The following IGF2BP2 variants were observed in gnomAD, a reference collection of about 807,000 sequenced individuals.
IGF2BP2 encodes insulin like growth factor 2 mRNA binding protein 2.
A neutral mutation model predicts 75.8 loss-of-function variants in IGF2BP2; 17 were observed. The observed-to-expected ratio is 0.22, with a 90% CI of 0.15 to 0.34. IGF2BP2 has a LOEUF of 0.34. Ranked by LOEUF, IGF2BP2 falls within the 10% of genes least tolerant of loss-of-function variation. The pLI, the probability that IGF2BP2 is intolerant of heterozygous loss-of-function variation, is 1.00. For synonymous variants in IGF2BP2, 288 were observed against 295.6 expected, an observed-to-expected ratio of 0.97 and a Z score of 0.26; for missense variants, 516 against 772.4, an observed-to-expected ratio of 0.67 and a Z score of 3.93.
At chr3:185,707,092 G>A (rs1252062942) in intron 2 of IGF2BP2, among the ~76,000 whole-genome samples, 1 of 151,590 alleles carries the variant, frequency 6.6e-6, no homozygotes, top group Non-Finnish European at 1.5e-5. Flanking sequence ...AGATGTGGTG[G>A]CACACGCCTG....
Position 185,645,618 on chromosome 3 carries a change from T to A in IGF2BP2, c.1713A>T (p.Ala571=). The change falls in exon 16 of 16, where the codon GCA becomes GCT. Residue 571 remains alanine (A), a synonymous_variant. Transcript: ENST00000382199. The surrounding 1 kb of genome is among the most constrained non-coding windows in gnomAD (Gnocchi z 4.9). ...GTACAATTTCCCTGATCTTGCGCTG[T>A]GCAGTCTGCAGCAAGGGAGAGAAGG... The part of the protein sequence containing the change: ...IIGHFFASQT[A]QRKIREIVQQ... 1 of 1,613,302 alleles carries A rather than the reference T, an allele frequency of 6.2e-7. No homozygotes were observed. The highest frequency in any genetic ancestry group is 1.1e-5 in the South Asian group (1 of 91,044).
intron 2 of IGF2BP2, chr3:185,716,419 C>T (rs760633088): frequency 6.0e-6 from 3 of 500,560 alleles, no homozygotes; most frequent in Non-Finnish European, 1.2e-5. Flanking sequence ...CTTTTCTTTC[C>T]CCTCCCTCTT....
At position 185,675,693 on chromosome 3, in the gene IGF2BP2, T is replaced by G. The variant is rs150468952; in HGVS notation, c.935+98A>C. ...GAGATAATTGCATCACTTATGATTA[T>G]ATTCCCATTTTAGGGAAAAGTAGAT... On this transcript the variant is annotated intron_variant, in intron 8 of 15. Transcript: ENST00000382199. The G allele has an allele frequency of 3.3e-3, 4,671 of 1,417,316 alleles. 12 individuals carry two copies. The highest frequency in any genetic ancestry group is 3.3e-3 in the Non-Finnish European group (3,378 of 1,037,508). The allele number at this position is 1,417,316 out of a possible 1,614,324, so 87.8% of individuals were successfully genotyped here.
chr3:185,662,020 AG>A (rs907203218), intron 10 of IGF2BP2, among the ~76,000 whole-genome samples: 14 of 152,268 alleles, frequency 9.2e-5, no homozygotes, highest in African/African-American at 3.4e-4. Context: ...GAGGGTTAGC[AG>A]GATGTGGCGG....
intron 2 of IGF2BP2, among the ~76,000 whole-genome samples, chr3:185,742,053 A>G (rs1729621815): frequency 6.6e-6 from 1 of 152,224 alleles, no homozygotes; most frequent in Admixed American, 6.5e-5. Flanking sequence ...TCCATTATTC[A>G]TTAGTAAGCT....
chr3:185,654,963 C>T (rs1356464088), intron 12 of IGF2BP2, among the ~76,000 whole-genome samples: 1 of 152,164 alleles, frequency 6.6e-6, no homozygotes, highest in Non-Finnish European at 1.5e-5. Flanking sequence ...TCTCTCCCTG[C>T]CCAGCAGCAT....
chr3:185,670,223 C>G (rs1718307262), intron 10 of IGF2BP2, among the ~76,000 whole-genome samples: 1 of 152,114 alleles, frequency 6.6e-6, no homozygotes, highest in South Asian at 2.1e-4. Context: ...TAGTAAAAAT[C>G]TGAGATATAA....
At chr3:185,712,413 T>C (rs1239219721) in intron 2 of IGF2BP2, 1 of 152,174 alleles carries the variant, frequency 6.6e-6, no homozygotes, top group Non-Finnish European at 1.5e-5. Context: ...TCTAACACCA[T>C]AATTCTCCCC....
At chr3:185,655,854 A>T (rs1245939047) in intron 12 of IGF2BP2, among the ~76,000 whole-genome samples, 1 of 152,224 alleles carries the variant, frequency 6.6e-6, no homozygotes, top group Non-Finnish European at 1.5e-5. Flanking sequence ...GCCTTGGACA[A>T]GCCAGTGAAA....
At chr3:185,681,126 C>A (rs997652250) in intron 7 of IGF2BP2, among the ~76,000 whole-genome samples, 2 of 151,936 alleles carry the variant, frequency 1.3e-5, no homozygotes, top group Admixed American at 6.6e-5. Context: ...AAAAGGCATT[C>A]GAATTGGAAA....
At chr3:185,809,779 G>A (rs1490140327) in intron 2 of IGF2BP2, among the ~76,000 whole-genome samples, 1 of 152,108 alleles carries the variant, frequency 6.6e-6, no homozygotes, top group Non-Finnish European at 1.5e-5. Context: ...GAAAAGGGAA[G>A]AAGAAATAAA....
chr3:185,690,577 G>C (rs1320273150), intron 5 of IGF2BP2, among the ~76,000 whole-genome samples: 1 of 152,104 alleles, frequency 6.6e-6, no homozygotes, highest in Admixed American at 6.6e-5. Context: ...TTAGATATCT[G>C]TTGTATCCAA....
At chr3:185,822,617 T>C (rs980972076) in intron 2 of IGF2BP2, among the ~76,000 whole-genome samples, 1 of 152,214 alleles carries the variant, frequency 6.6e-6, no homozygotes, top group African/African-American at 2.4e-5. Flanking sequence ...ACTGAAAAAG[T>C]CCGGCTTTTA....
rs1355147270 is a variant in IGF2BP2, at chr3:185,643,344, G to A, written c.*2187C>T. ...CCAGGCTTGCAGTTCCTTAAGGATA[G>A]ACTGGTCTTCTCTAGCTTGACATGC... On this transcript the variant is annotated 3_prime_UTR_variant, in exon 16 of 16. Coordinates refer to ENST00000382199, the MANE Select transcript of IGF2BP2 (RefSeq NM_006548.6). Among the ~76,000 whole-genome samples, 1 of 152,198 alleles carries A rather than the reference G, an allele frequency of 6.6e-6. No homozygotes were observed. The highest frequency in any genetic ancestry group is 1.5e-5 in the Non-Finnish European group (1 of 68,038).
At chr3:185,756,024 T>C (rs1019521569) in intron 2 of IGF2BP2, among the ~76,000 whole-genome samples, 67 of 152,146 alleles carry the variant, frequency 4.4e-4, no homozygotes, top group African/African-American at 1.4e-3. Flanking sequence ...CCCCTCCAAA[T>C]CTCATGTTGA....
intron 2 of IGF2BP2, among the ~76,000 whole-genome samples, chr3:185,814,753 T>TGTTA (rs1158972742): frequency 6.6e-6 from 1 of 152,170 alleles, no homozygotes; most frequent in Middle Eastern, 3.2e-3. Context: ...TTAAGTCCTA[T>TGTTA]GTTACTAAAC....
intron 2 of IGF2BP2, among the ~76,000 whole-genome samples, chr3:185,748,259 T>G (rs1165264007): frequency 6.6e-6 from 1 of 152,070 alleles, no homozygotes; most frequent in Non-Finnish European, 1.5e-5. Context: ...AGCAAAGAGG[T>G]AGAGGAAGGA....
chr3:185,815,240 A>T (rs980591931), intron 2 of IGF2BP2, among the ~76,000 whole-genome samples: 10 of 152,196 alleles, frequency 6.6e-5, no homozygotes, highest in Non-Finnish European at 1.3e-4. Context: ...TAACACTTTT[A>T]ATTCTTTTCA....
intron 2 of IGF2BP2, among the ~76,000 whole-genome samples, chr3:185,755,310 C>T (rs1419143777): frequency 1.3e-5 from 2 of 152,206 alleles, no homozygotes; most frequent in Non-Finnish European, 2.9e-5. Flanking sequence ...TACCATAAAC[C>T]TTGGTAGCTT....
Sources: gnomAD v4.1 joint callset for allele counts (sites outside exome capture counted in the v4.1 genomes callset) on GRCh38, gnomAD v4.1.1 for gene constraint, Gnocchi (gnomAD v3.1) non-coding constraint, MANE v1.5 for transcripts, NCBI Gene and HGNC (gene_info 2026-07-23, HGNC 2026-07-21) for gene names.